Variants in BCAR3 observed in about 807,000 individuals in gnomAD.
BCAR3 encodes breast cancer anti-estrogen resistance protein 3.
BCAR3 carries 37 observed loss-of-function variants against 80.1 expected under a neutral mutation model. That is an observed-to-expected ratio of 0.46 (90% CI 0.36 to 0.61). The LOEUF (loss-of-function observed/expected upper bound fraction) is 0.61, where lower values mean the gene tolerates loss of function less well. Among genes scored for constraint, BCAR3 ranks in the 20% least tolerant of loss-of-function variants. BCAR3 has a pLI of 0.00. For missense variants in BCAR3, 978 were observed against 1,068.2 expected, an observed-to-expected ratio of 0.92 and a Z score of 1.18; for synonymous variants, 389 against 418.9, an observed-to-expected ratio of 0.93 and a Z score of 0.87.
At chr1:93,742,191 G>T (rs1349176395) in intron 2 of BCAR3, among the ~76,000 whole-genome samples, 1 of 152,188 alleles carries the variant, frequency 6.6e-6, no homozygotes, top group East Asian at 1.9e-4. Context: ...CTTTTGAAGA[G>T]CTATTTGCTA....
intron 2 of BCAR3, among the ~76,000 whole-genome samples, chr1:93,715,722 C>T (rs1222407258): frequency 1.3e-5 from 2 of 152,224 alleles, no homozygotes; most frequent in African/African-American, 2.4e-5. Context: ...CCTGACAGCA[C>T]TTCTTCCCTC....
chr1:93,628,804 G>T (rs529456283), intron 3 of BCAR3, among the ~76,000 whole-genome samples: 1 of 152,286 alleles, frequency 6.6e-6, no homozygotes, highest in African/African-American at 2.4e-5. Flanking sequence ...AAGCTCCACA[G>T]GGGCAGGGAT....
chr1:93,769,142 C>T (rs925406997), intron 2 of BCAR3, among the ~76,000 whole-genome samples: 20 of 152,236 alleles, frequency 1.3e-4, no homozygotes, highest in East Asian at 1.9e-4. Context: ...TATAACTTCC[C>T]GAAAAGCACA....
chr1:93,584,019 A>G lies in BCAR3; in HGVS notation c.1032T>C (p.Ile344=), dbSNP rs78645541. Residue 344 remains isoleucine, a splice_region_variant and synonymous_variant, in exon 6 of 12, where the codon ATT becomes ATC. Transcript: ENST00000260502. ...CCCTGAAAATTCCCCGAAACATACC[A>G]ATCGGCAGGTAGCTCTCTGACTGGT... ...KAHQSESYLP[I]GCKLPPQSSG... The G allele has an allele frequency of 1.4e-3, 2,269 of 1,613,726 alleles. 28 individuals are homozygous for G. In the African/African-American group the frequency reaches 0.026, roughly 18 times the overall value.
chr1:93,638,856 G>A (rs1675886389), intron 3 of BCAR3, among the ~76,000 whole-genome samples: 1 of 152,058 alleles, frequency 6.6e-6, no homozygotes, highest in African/African-American at 2.4e-5. Flanking sequence ...GCTACTGTGG[G>A]GGGAAAAAAT....
rs962784175 is a variant in BCAR3 at position 93,730,463 on chromosome 1, C to T, written c.-62-24321G>A. On this transcript the variant is annotated intron_variant, in intron 2 of 13. Coordinates refer to the BCAR3 transcript ENST00000370244. Reference sequence around the variant, plus strand: ...ATTTGCCACTCCACACCTTCAGCACCCAGCAGAGTGCTGTACATTTGTGGT... The same window carrying T: ...ATTTGCCACTCCACACCTTCAGCACTCAGCAGAGTGCTGTACATTTGTGGT... Among the ~76,000 whole-genome samples the T allele has an allele frequency of 4.6e-5, 7 of 152,188 alleles. No homozygotes were observed. The East Asian group carries it at 1.3e-3, about 29-fold the overall frequency.
At chr1:93,750,798 G>A (rs774172800) in intron 2 of BCAR3, among the ~76,000 whole-genome samples, 7 of 152,302 alleles carry the variant, frequency 4.6e-5, no homozygotes, top group Non-Finnish European at 1.0e-4. Flanking sequence ...GAGTGAATGA[G>A]CTTTGAGGTG....
intron 1 of BCAR3, among the ~76,000 whole-genome samples, chr1:93,680,936 C>T (rs1648728175): frequency 6.6e-6 from 1 of 152,196 alleles, no homozygotes; most frequent in Non-Finnish European, 1.5e-5. Flanking sequence ...ACCTCCTTCC[C>T]ACCGTCCCTC....
intron 2 of BCAR3, among the ~76,000 whole-genome samples, chr1:93,758,308 G>A (rs778263692): frequency 4.6e-5 from 7 of 152,220 alleles, no homozygotes; most frequent in African/African-American, 7.2e-5. Context: ...CAGGATACAG[G>A]GCCAGGGGAG....
intron 2 of BCAR3, among the ~76,000 whole-genome samples, chr1:93,738,896 C>G (rs947343): frequency 0.4 from 60,637 of 151,926 alleles, 13,372 homozygotes; most frequent in Non-Finnish European, 0.5. Context: ...AAAGGATAAC[C>G]TGAGAGCCAG....
At chr1:93,834,531 G>A (rs756490508) in intron 2 of BCAR3, among the ~76,000 whole-genome samples, 6 of 152,284 alleles carry the variant, frequency 3.9e-5, no homozygotes, top group East Asian at 1.9e-4. Flanking sequence ...GTGCAGGGCC[G>A]TGTGGTTAGA....
At chr1:93,820,414 T>G (rs1654170079) in intron 2 of BCAR3, among the ~76,000 whole-genome samples, 1 of 152,176 alleles carries the variant, frequency 6.6e-6, no homozygotes, top group African/African-American at 2.4e-5. Context: ...TCTCCTGTAT[T>G]CCTGACTGAC....
At chr1:93,814,624 T>C (rs1248630051) in intron 2 of BCAR3, among the ~76,000 whole-genome samples, 1 of 152,228 alleles carries the variant, frequency 6.6e-6, no homozygotes, top group South Asian at 2.1e-4. Context: ...GCCTGGCCTT[T>C]AGTGTTTCTG....
Position 93,687,959 on chromosome 1 carries a change from TAGAG to T in BCAR3, c.-11-13022_-11-13019del, listed in dbSNP as rs753752315. On this transcript the variant is annotated intron_variant, in intron 3 of 13. Transcript: ENST00000370244. ...ACTTGAACAACTGCAGAAAGAAAGA[TAGAG>T]AATTCCCTGAAGTTAATATATCATA... 3.9e-5 allele frequency among the ~76,000 whole-genome samples: 6 copies of T among 152,176 alleles called. No individual in the cohort carries two copies. In the East Asian group the frequency reaches 1.2e-3, roughly 29 times the overall value.
rs1261039723 is a variant in BCAR3, at chr1:93,563,178, C to CCAT, written c.2300-762_2300-760dup. 3.9e-5 allele frequency among the ~76,000 whole-genome samples: 6 copies of CCAT among 152,338 alleles called. No homozygotes were observed. The East Asian group carries it at 1.2e-3, about 29-fold the overall frequency. On this transcript the variant is annotated intron_variant, in intron 11 of 11. Transcript: ENST00000260502. ...CATTACCACCAGTCTTAGAACACTT[C>CCAT]CATCACCTTAGTACCTCTTTGCAGT...
intron 3 of BCAR3, chr1:93,614,235 T>G (rs1675037665): frequency 9.9e-7 from 1 of 1,007,192 alleles, no homozygotes; most frequent in East Asian, 5.4e-5. Context: ...TAACCCCTCT[T>G]AGAAGAGGCC....
intron 2 of BCAR3, among the ~76,000 whole-genome samples, chr1:93,673,013 T>C (rs1200977569): frequency 6.6e-6 from 1 of 152,188 alleles, no homozygotes; most frequent in East Asian, 1.9e-4. Context: ...TCTCCAGTTC[T>C]CTGCACTTGA....
intron 10 of BCAR3, 89 bp downstream of exon 10, chr1:93,567,651 G>A: frequency 7.0e-7 from 1 of 1,420,546 alleles, no homozygotes; most frequent in Non-Finnish European, 9.8e-7. Flanking sequence ...CAGTGCTGCA[G>A]ATAACTCAGG....
intron 2 of BCAR3, among the ~76,000 whole-genome samples, chr1:93,760,880 T>A (rs1273301414): frequency 6.6e-6 from 1 of 152,200 alleles, no homozygotes; most frequent in African/African-American, 2.4e-5. Flanking sequence ...GGTCTCTGAT[T>A]GGCCAGATTT....
Sources: gnomAD v4.1 joint callset for allele counts (sites outside exome capture counted in the v4.1 genomes callset) on GRCh38, gnomAD v4.1.1 for gene constraint, MANE v1.5 for transcripts, NCBI Gene and HGNC (gene_info 2026-07-23, HGNC 2026-07-21) for gene names.